Variants in SUN1 observed in about 807,000 individuals in gnomAD.
SUN1 encodes the protein SUN domain-containing protein 1.
SUN1 carries 61 observed loss-of-function variants against 103.2 expected under a neutral mutation model. That is an observed-to-expected ratio of 0.59 (90% CI 0.48 to 0.73). The LOEUF is 0.73. Among genes scored for constraint, SUN1 ranks in the 30% least tolerant of loss-of-function variants. The probability of loss-of-function intolerance (pLI) is 0.00; values close to 1 mark genes in which losing one functional copy is unlikely to be tolerated. For missense variants in SUN1, 1,052 were observed against 1,034.6 expected, an observed-to-expected ratio of 1.02 and a Z score of -0.23; for synonymous variants, 490 against 425.7, an observed-to-expected ratio of 1.15 and a Z score of -1.86.
At chr7:858,632 G>A (rs978362835) in intron 13 of SUN1, among the ~76,000 whole-genome samples, 3 of 152,118 alleles carry the variant, frequency 2.0e-5, no homozygotes, top group Non-Finnish European at 2.9e-5. Context: ...GCTCTGTTTC[G>A]TGTCGAAACA....
At chr7:828,483 G>A (rs900677282), upstream of SUN1, among the ~76,000 whole-genome samples, 6 of 152,118 alleles carry the variant, frequency 3.9e-5, no homozygotes, top group East Asian at 1.9e-4. Flanking sequence ...TGTTGGCCCC[G>A]CTGGCCTCGA....
intron 1 of SUN1, among the ~76,000 whole-genome samples, chr7:833,530 C>T (rs771226688): frequency 2.6e-5 from 4 of 152,114 alleles, no homozygotes; most frequent in Non-Finnish European, 5.9e-5. Flanking sequence ...AGGCCAATCT[C>T]GAGCTCCTGA....
intron 17 of SUN1, among the ~76,000 whole-genome samples, chr7:870,004 G>T (rs1319260539): frequency 6.6e-6 from 1 of 150,998 alleles, no homozygotes; most frequent in East Asian, 1.9e-4. Context: ...GACCAGCCTG[G>T]CCAAGGTGGT....
At chr7:865,895 T>C in intron 15 of SUN1, 57 bp from the exon 16 acceptor site, 1 of 1,410,088 alleles carries the variant, frequency 7.1e-7, no homozygotes, top group Non-Finnish European at 1.0e-6. Flanking sequence ...GGTGCAGTAC[T>C]ATTGCTTCCA....
chr7:816,853 G>C (rs1233708083), intron 1 of SUN1: 1 of 150,272 alleles, frequency 6.7e-6, no homozygotes, highest in Non-Finnish European at 1.5e-5. Context: ...GCGCCCCGCA[G>C]CTACCCCGGC....
chr7:834,021 C>T (rs901849192), intron 1 of SUN1, among the ~76,000 whole-genome samples: 3 of 152,060 alleles, frequency 2.0e-5, no homozygotes, highest in Non-Finnish European at 2.9e-5. Context: ...TCTGTGGCAG[C>T]TGGAGTGGGA....
chr7:826,728 TG>T (rs2128183263), intron 1 of SUN1, among the ~76,000 whole-genome samples: 1 of 152,326 alleles, frequency 6.6e-6, no homozygotes, highest in South Asian at 2.1e-4. Context: ...TGCGTCTCAC[TG>T]GGCTCCCTCT....
At chr7:820,714 C>T (rs773033959) in intron 1 of SUN1, among the ~76,000 whole-genome samples, 3 of 152,132 alleles carry the variant, frequency 2.0e-5, no homozygotes, top group Non-Finnish European at 2.9e-5. Context: ...TGAGGAAGTT[C>T]CCTTCCATTC....
chr7:868,220 A>C (rs1209786748), intron 16 of SUN1, among the ~76,000 whole-genome samples: 1 of 152,226 alleles, frequency 6.6e-6, no homozygotes, highest in Non-Finnish European at 1.5e-5. Context: ...TCCGTTGCGC[A>C]CAGCAACGTG....
intron 13 of SUN1, among the ~76,000 whole-genome samples, chr7:859,374 A>T (rs1830386662): frequency 6.6e-6 from 1 of 152,190 alleles, no homozygotes; most frequent in African/African-American, 2.4e-5. Flanking sequence ...GATATTAACC[A>T]GTGACAAATA....
At chr7:867,109 T>C (rs1837590279) in intron 16 of SUN1, among the ~76,000 whole-genome samples, 1 of 152,230 alleles carries the variant, frequency 6.6e-6, no homozygotes, top group Non-Finnish European at 1.5e-5. Flanking sequence ...CACATGGGAC[T>C]GTCGTCATCA....
chr7:847,303 T>C lies in SUN1; in HGVS notation c.658+3783T>C, dbSNP rs1420781888. Among the ~76,000 whole-genome samples the C allele has an allele frequency of 2.1e-5, 3 of 143,098 alleles. No individual in the cohort carries two copies. In the East Asian group the frequency reaches 6.6e-4, roughly 31 times the overall value. 93.9% of individuals were successfully genotyped at this position (143,098 alleles called of 152,430 possible). A position where few individuals can be genotyped will look rare whatever the true frequency, so the allele number is the denominator to read the frequency against. On this transcript the variant is annotated intron_variant, in intron 5 of 18. Transcript: ENST00000401592. ...CGCCGTCTCCGGGATCCCCTGGGGGTTACTCCGCAGTCCAGGCTCCGGGAT... is the reference window on the plus strand; with the variant it reads ...CGCCGTCTCCGGGATCCCCTGGGGGCTACTCCGCAGTCCAGGCTCCGGGAT...
chr7:872,908 G>A (rs1166012674), intron 18 of SUN1, among the ~76,000 whole-genome samples: 3 of 152,030 alleles, frequency 2.0e-5, no homozygotes, highest in East Asian at 1.9e-4. Context: ...CCAACATGGC[G>A]AAACCCGGTC....
rs201230814 is a variant in SUN1 at position 873,379 on chromosome 7, G to A, written c.*48G>A. The A allele has an allele frequency of 2.7e-4, 402 of 1,494,818 alleles. No individual in the cohort carries two copies. Among genetic ancestry groups the A allele is most frequent in the Middle Eastern group, 1.4e-3 (8 of 5,594 alleles). 92.6% of individuals were successfully genotyped at this position (1,494,818 alleles called of 1,614,324 possible). A position where few individuals can be genotyped will look rare whatever the true frequency, so the allele number is the denominator to read the frequency against. On this transcript the variant is annotated 3_prime_UTR_variant, in exon 19 of 19. Transcript: ENST00000401592. ...ACATTTTTGTATATACTGGGACAGCGTGAAACACTGGAATCCTTCATGGAC... is the reference window on the plus strand; with the variant it reads ...ACATTTTTGTATATACTGGGACAGCATGAAACACTGGAATCCTTCATGGAC...
At position 845,682 on chromosome 7, in the gene SUN1, G is replaced by GT. The variant is rs547175631; in HGVS notation, c.658+2168dup. ...GTCCCTCCACATTTTGTTTGTTTTTGTTTTTTATGTATGTACTAATGGTAA... is the reference window on the plus strand; with the variant it reads ...GTCCCTCCACATTTTGTTTGTTTTTGTTTTTTTATGTATGTACTAATGGTAA... On this transcript the variant is annotated intron_variant, in intron 5 of 18. Coordinates refer to ENST00000401592, the MANE Select transcript of SUN1 (RefSeq NM_001130965.3). Among the ~76,000 whole-genome samples, 163 of 152,144 alleles carry GT rather than the reference G, an allele frequency of 1.1e-3. 1 individual carries two copies. Among genetic ancestry groups the GT allele is most frequent in the South Asian group, 5.0e-3 (24 of 4,812 alleles).
upstream of SUN1, chr7:816,575 C>T: frequency 2.5e-6 from 1 of 397,494 alleles, no homozygotes; most frequent in Non-Finnish European, 4.9e-6. Context: ...TTGCTCCCGC[C>T]CTCGGCCCGG....
rs750969930 is a variant in SUN1, at chr7:873,204, C to T, written c.2242-11C>T. 6.2e-7 allele frequency: 1 copy of T among 1,613,128 alleles called. No individual in the cohort carries two copies. Among genetic ancestry groups the T allele is most frequent in the African/African-American group, 1.3e-5 (1 of 74,890 alleles). On this transcript the variant is annotated splice_polypyrimidine_tract_variant and intron_variant, in intron 18 of 18. Transcript: ENST00000401592. The stretch of plus-strand genomic sequence containing the variant: ...AAATACATGTGTGTGTTTTTCCCAC[C>T]TTGATTTCAGAAAAGACCCGACGAC...
intron 15 of SUN1, among the ~76,000 whole-genome samples, chr7:862,535 T>C (rs112869676): frequency 2.8e-4 from 42 of 152,334 alleles, no homozygotes; most frequent in African/African-American, 9.4e-4. Context: ...AAAATGACCT[T>C]TTTAGAATAT....
intron 16 of SUN1, chr7:869,104 C>A: frequency 1.9e-6 from 1 of 518,164 alleles, no homozygotes; most frequent in Non-Finnish European, 3.4e-6. Context: ...TGTTGTATGT[C>A]TCACCCATTT....
Sources: gnomAD v4.1 joint callset for allele counts (sites outside exome capture counted in the v4.1 genomes callset) on GRCh38, gnomAD v4.1.1 for gene constraint, MANE v1.5 for transcripts, NCBI Gene and HGNC (gene_info 2026-07-23, HGNC 2026-07-21) for gene names.